Variants in EPC2 observed in about 807,000 individuals in gnomAD.
EPC2 encodes enhancer of polycomb 2, also known as enhancer of polycomb homolog 2.
EPC2 carries 14 observed loss-of-function variants against 92.1 expected under a neutral mutation model. That is an observed-to-expected ratio of 0.15 (90% CI 0.10 to 0.24). The LOEUF (loss-of-function observed/expected upper bound fraction) is 0.24. Ranked by LOEUF, EPC2 falls within the 10% of genes least tolerant of loss-of-function variation. EPC2 has a pLI of 1.00. For synonymous variants in EPC2, 340 were observed against 334.7 expected (o/e 1.02, Z -0.17); for missense variants, 755 against 971.5 (o/e 0.78, Z 2.96).
At chr2:148,782,186 A>T (rs535948332) in intron 11 of EPC2, among the ~76,000 whole-genome samples, 27 of 152,314 alleles carry the variant, frequency 1.8e-4, no homozygotes, top group African/African-American at 5.1e-4. Context: ...ATTCAGTTGA[A>T]TTGTGCAATA....
At chr2:148,653,082 A>G (rs1411799295) in intron 1 of EPC2, among the ~76,000 whole-genome samples, 1 of 152,158 alleles carries the variant, frequency 6.6e-6, no homozygotes, top group Non-Finnish European at 1.5e-5. Context: ...TATTTCCCCA[A>G]CAAGACTAAA....
Position 148,757,999 on chromosome 2 carries a change from A to G in EPC2, c.667-3783A>G, listed in dbSNP as rs1683224898. Reference sequence around the variant, plus strand: ...AACACACAGTTTATTATGCCAGAAAATAAGAATATGATTGAAGAATGTTGG... The same window carrying G: ...AACACACAGTTTATTATGCCAGAAAGTAAGAATATGATTGAAGAATGTTGG... On this transcript the variant is annotated intron_variant, in intron 4 of 13. Coordinates refer to ENST00000258484, the MANE Select transcript of EPC2 (RefSeq NM_015630.4). Among the ~76,000 whole-genome samples the G allele has an allele frequency of 2.0e-5, 3 of 152,184 alleles. No homozygotes were observed. The South Asian group carries it at 6.2e-4, about 32-fold the overall frequency.
At chr2:148,692,091 A>G (rs574354110) in intron 2 of EPC2, 19 of 305,738 alleles carry the variant, frequency 6.2e-5, no homozygotes, top group African/African-American at 4.2e-4. Flanking sequence ...TCTTCCCTTC[A>G]CTCTGTGTAC....
chr2:148,684,433 G>A (rs1681472071), intron 1 of EPC2, among the ~76,000 whole-genome samples: 1 of 152,164 alleles, frequency 6.6e-6, no homozygotes, highest in African/African-American at 2.4e-5. Flanking sequence ...AAGCCAATGT[G>A]TAGAAGAGTT....
chr2:148,738,464 G>A (rs1472226919), intron 2 of EPC2, among the ~76,000 whole-genome samples: 1 of 152,194 alleles, frequency 6.6e-6, no homozygotes, highest in Non-Finnish European at 1.5e-5. Context: ...AAATTATAGT[G>A]TGGTTTTTGT....
At chr2:148,649,287 A>G (rs748385202) in intron 1 of EPC2, among the ~76,000 whole-genome samples, 13 of 152,220 alleles carry the variant, frequency 8.5e-5, no homozygotes, top group Non-Finnish European at 1.9e-4. Flanking sequence ...AAACATGAAA[A>G]CAAGATATAG....
intron 1 of EPC2, among the ~76,000 whole-genome samples, chr2:148,656,246 ATTGT>A (rs1220416716): frequency 6.6e-6 from 1 of 152,242 alleles, no homozygotes; most frequent in South Asian, 2.1e-4. Context: ...CTTTCTGTTG[ATTGT>A]TTGTAGTTTG....
intron 10 of EPC2, among the ~76,000 whole-genome samples, chr2:148,776,529 T>C (rs1683648065): frequency 6.6e-6 from 1 of 152,204 alleles, no homozygotes; most frequent in Non-Finnish European, 1.5e-5. Flanking sequence ...GGAAAGGTCA[T>C]GTCAACCCTC....
chr2:148,722,867 G>A (rs575281532), intron 2 of EPC2, among the ~76,000 whole-genome samples: 2 of 152,262 alleles, frequency 1.3e-5, no homozygotes, highest in South Asian at 4.1e-4. Context: ...CATGTCCTTT[G>A]CAGCAACATG....
intron 2 of EPC2, among the ~76,000 whole-genome samples, chr2:148,701,656 A>G (rs991704814): frequency 2.6e-5 from 4 of 152,116 alleles, no homozygotes; most frequent in African/African-American, 9.7e-5. Context: ...GAATTTTTGC[A>G]TGTATGTTCA....
chr2:148,703,041 G>A (rs1681920715), intron 2 of EPC2, among the ~76,000 whole-genome samples: 1 of 152,112 alleles, frequency 6.6e-6, no homozygotes, highest in Non-Finnish European at 1.5e-5. Flanking sequence ...GGTGATACAT[G>A]TGTTAAACAC....
At chr2:148,751,290 A>C (rs1249338996) in intron 3 of EPC2, among the ~76,000 whole-genome samples, 1 of 152,092 alleles carries the variant, frequency 6.6e-6, no homozygotes, top group Non-Finnish European at 1.5e-5. Flanking sequence ...GATTTTGTTG[A>C]TTAACAGACT....
At chr2:148,763,032 T>C (rs1683332352) in intron 6 of EPC2, among the ~76,000 whole-genome samples, 1 of 152,120 alleles carries the variant, frequency 6.6e-6, no homozygotes, top group Admixed American at 6.5e-5. Context: ...TTCTATATAA[T>C]AGCTAGTAAG....
intron 7 of EPC2, 22 bp from the exon 8 acceptor site, chr2:148,769,129 A>T (rs1448866910): frequency 1.9e-6 from 3 of 1,543,888 alleles, no homozygotes; most frequent in Admixed American, 1.7e-5. Flanking sequence ...TAACTTCTAA[A>T]TGGAATGCCT....
intron 4 of EPC2, 110 bp from the exon 5 acceptor site, chr2:148,761,672 A>C: frequency 2.8e-6 from 2 of 721,420 alleles, no homozygotes; most frequent in Non-Finnish European, 4.1e-6. Flanking sequence ...GATTTTTTTT[A>C]ACATTTTACT....
chr2:148,700,289 CTCA>C (rs1307666714), intron 2 of EPC2, among the ~76,000 whole-genome samples: 1 of 152,092 alleles, frequency 6.6e-6, no homozygotes, highest in Admixed American at 6.5e-5. Flanking sequence ...TTTCTAAAAG[CTCA>C]TCATCAAACC....
intron 10 of EPC2, among the ~76,000 whole-genome samples, chr2:148,774,624 T>TATTATATATATATA (rs935978031): frequency 3.3e-4 from 44 of 132,614 alleles, no homozygotes; most frequent in East Asian, 1.0e-3. Context: ...AAAATATATT[T>TATTATATATATATA]TATATATATA....
At chr2:148,768,320 C>G (rs555845043) in intron 7 of EPC2, among the ~76,000 whole-genome samples, 21 of 152,184 alleles carry the variant, frequency 1.4e-4, no homozygotes, top group African/African-American at 4.6e-4. Context: ...TATTATTTCC[C>G]TATCTTCAGT....
chr2:148,776,218 A>G (rs559902390), intron 10 of EPC2, among the ~76,000 whole-genome samples: 17 of 152,344 alleles, frequency 1.1e-4, no homozygotes, highest in African/African-American at 4.1e-4. Flanking sequence ...TAGGATTGAT[A>G]TAATGTGATT....
Sources: gnomAD v4.1 joint callset for allele counts (sites outside exome capture counted in the v4.1 genomes callset) on GRCh38, gnomAD v4.1.1 for gene constraint, MANE v1.5 for transcripts, NCBI Gene and HGNC (gene_info 2026-07-23, HGNC 2026-07-21) for gene names.